Variants in PLEKHM3 observed in about 807,000 individuals in gnomAD.
PLEKHM3 encodes pleckstrin homology domain containing M3.
A neutral mutation model predicts 81.8 loss-of-function variants in PLEKHM3; 45 were observed. That is an observed-to-expected ratio of 0.55 (90% CI 0.43 to 0.71). The LOEUF is 0.71. Among genes scored for constraint, PLEKHM3 ranks in the 30% least tolerant of loss-of-function variants. The pLI is 0.00. For synonymous variants in PLEKHM3, 352 were observed against 356.4 expected, an observed-to-expected ratio of 0.99 and a Z score of 0.14; for missense variants, 788 against 924.3, an observed-to-expected ratio of 0.85 and a Z score of 1.91.
At chr2:207,974,357 G>T (rs745909433) in intron 3 of PLEKHM3, among the ~76,000 whole-genome samples, 7 of 152,314 alleles carry the variant, frequency 4.6e-5, no homozygotes, top group Admixed American at 2.6e-4. Context: ...TGTCAGGAAT[G>T]CTACGAATGC....
At chr2:207,835,441 C>T (rs935482331) in intron 7 of PLEKHM3, among the ~76,000 whole-genome samples, 1 of 152,102 alleles carries the variant, frequency 6.6e-6, no homozygotes, top group Non-Finnish European at 1.5e-5. Flanking sequence ...TTGGGTTAAT[C>T]TAAAGTTTCT....
At chr2:207,918,980 GA>G (rs1258437140) in intron 5 of PLEKHM3, among the ~76,000 whole-genome samples, 3 of 152,222 alleles carry the variant, frequency 2.0e-5, no homozygotes. Flanking sequence ...AGTAAGCAGA[GA>G]AAGAAGACAG....
In PLEKHM3 at chr2:207,823,855, C is replaced by A. The variant is rs1053094319; in HGVS notation, c.*4464G>T. ...ACTTGGATTTTCCCTCAGCCATGCA[C>A]CCATTAAAACGCACTAAGGAAAGAC... On this transcript the variant is annotated 3_prime_UTR_variant, in exon 8 of 8. Coordinates refer to ENST00000427836, the MANE Select transcript of PLEKHM3 (RefSeq NM_001080475.3). 9 of 152,176 alleles carry A rather than the reference C, an allele frequency of 5.9e-5. No individual in the cohort carries two copies. The highest frequency in any genetic ancestry group is 1.9e-4 in the African/African-American group (8 of 41,452). The allele number at this position is 152,176 out of a possible 1,614,324, so 9.4% of individuals were successfully genotyped here. A position where few individuals can be genotyped will look rare whatever the true frequency, so the allele number is the denominator to read the frequency against.
chr2:208,001,482 T>A lies in PLEKHM3; in HGVS notation c.158A>T (p.Asn53Ile), dbSNP rs1378860183. ...PELVGHEVLS[N>I]ITDNGAMRNV... Reference sequence around the variant, plus strand: ...TCTCATAGCACCATTGTCTGTTATGTTACTGAGTACCTCATGCCCCACCAG... The same window carrying A: ...TCTCATAGCACCATTGTCTGTTATGATACTGAGTACCTCATGCCCCACCAG... Residue 53 changes from asparagine (N) to isoleucine (I), a missense_variant, in exon 2 of 8, where the codon AAC becomes ATC. Asn to Ile is a moderately radical substitution (Grantham distance 149). Coordinates refer to ENST00000427836, the MANE Select transcript of PLEKHM3 (RefSeq NM_001080475.3). 1.2e-6 allele frequency: 2 copies of A among 1,614,052 alleles called. No homozygotes were observed. The highest frequency in any genetic ancestry group is 4.5e-5 in the East Asian group (2 of 44,896).
At chr2:207,919,281 T>G (rs1689103751) in intron 5 of PLEKHM3, among the ~76,000 whole-genome samples, 1 of 151,114 alleles carries the variant, frequency 6.6e-6, no homozygotes, top group African/African-American at 2.4e-5. Flanking sequence ...TGGAACAGAG[T>G]GAATGAGGGG....
Position 207,999,344 on chromosome 2 carries a change from G to A in PLEKHM3, c.610+1686C>T, listed in dbSNP as rs565294569. On this transcript the variant is annotated intron_variant, in intron 2 of 7. Coordinates refer to ENST00000427836, the MANE Select transcript of PLEKHM3 (RefSeq NM_001080475.3). ...AATATCCTTTTCTTAGCCAGGCATG[G>A]TGGCTCATGCCTGTAATCCCAGCTA... Among the ~76,000 whole-genome samples the A allele has an allele frequency of 1.0e-3, 154 of 152,076 alleles. 1 individual carries two copies. The highest frequency in any genetic ancestry group is 3.5e-3 in the African/African-American group (146 of 41,514).
chr2:207,969,503 T>C (rs12694096), intron 3 of PLEKHM3, among the ~76,000 whole-genome samples: 138,696 of 152,332 alleles, frequency 0.91, 63,616 homozygotes, highest in African/African-American at 0.98. Flanking sequence ...CAGAAATACG[T>C]CCTCATTTAT....
intron 2 of PLEKHM3, among the ~76,000 whole-genome samples, chr2:207,980,458 A>G (rs1260786817): frequency 6.6e-6 from 1 of 152,212 alleles, no homozygotes; most frequent in Non-Finnish European, 1.5e-5. Context: ...TCACTAAGCA[A>G]CATTTCCTAT....
At chr2:208,011,049 A>G (rs960780635) in intron 1 of PLEKHM3, among the ~76,000 whole-genome samples, 2 of 150,654 alleles carry the variant, frequency 1.3e-5, no homozygotes, top group Non-Finnish European at 2.9e-5. Flanking sequence ...TTACTCCTGC[A>G]AGAATGGCCA....
intron 3 of PLEKHM3, among the ~76,000 whole-genome samples, chr2:207,968,614 T>C (rs1188052533): frequency 1.3e-5 from 2 of 152,172 alleles, no homozygotes; most frequent in African/African-American, 4.8e-5. Flanking sequence ...CTCATTCTTA[T>C]TTGCATATCC....
chr2:207,983,312 A>G (rs764155359), intron 2 of PLEKHM3, among the ~76,000 whole-genome samples: 43 of 152,248 alleles, frequency 2.8e-4, no homozygotes, highest in Middle Eastern at 3.4e-3. Context: ...CGGCCTCCCA[A>G]AGTGCTGGGA....
At chr2:207,986,205 T>A (rs1691713982) in intron 2 of PLEKHM3, among the ~76,000 whole-genome samples, 1 of 152,184 alleles carries the variant, frequency 6.6e-6, no homozygotes, top group Non-Finnish European at 1.5e-5. Context: ...ATATTCCATA[T>A]CAAAATTATC....
intron 1 of PLEKHM3, among the ~76,000 whole-genome samples, chr2:208,022,155 A>G (rs1469563225): frequency 2.0e-5 from 3 of 152,202 alleles, no homozygotes; most frequent in African/African-American, 7.2e-5. Context: ...CATCCCTCCT[A>G]GCATTTGCAA....
At chr2:207,901,379 C>T (rs1170427645) in intron 6 of PLEKHM3, 1 of 702,190 alleles carries the variant, frequency 1.4e-6, no homozygotes, top group African/African-American at 1.7e-5. Flanking sequence ...CTGCTTTAAC[C>T]CACTCAGCTA....
chr2:208,006,786 T>C (rs957584187), intron 1 of PLEKHM3, among the ~76,000 whole-genome samples: 1 of 152,220 alleles, frequency 6.6e-6, no homozygotes, highest in Non-Finnish European at 1.5e-5. Flanking sequence ...TATATTTGTA[T>C]AGAATGCCCT....
intron 3 of PLEKHM3, among the ~76,000 whole-genome samples, chr2:207,961,464 C>T (rs942808265): frequency 6.6e-6 from 1 of 152,148 alleles, no homozygotes; most frequent in Non-Finnish European, 1.5e-5. Context: ...GATACAAACC[C>T]ATATGTCTTA....
At chr2:207,848,795 G>A (rs1437926465) in intron 7 of PLEKHM3, among the ~76,000 whole-genome samples, 2 of 152,214 alleles carry the variant, frequency 1.3e-5, no homozygotes, top group East Asian at 1.9e-4. Context: ...AACGTTGAGC[G>A]TGTTGGGAGG....
intron 3 of PLEKHM3, among the ~76,000 whole-genome samples, chr2:207,959,703 G>C (rs1690667027): frequency 6.6e-6 from 1 of 152,120 alleles, no homozygotes; most frequent in Non-Finnish European, 1.5e-5. Flanking sequence ...AACCCTGACA[G>C]CATTTCTTAG....
intron 5 of PLEKHM3, among the ~76,000 whole-genome samples, chr2:207,930,671 C>T (rs990377663): frequency 1.3e-5 from 2 of 152,162 alleles, no homozygotes; most frequent in African/African-American, 2.4e-5. Flanking sequence ...CCGTCCTGGG[C>T]ACTCGATCCA....
Sources: gnomAD v4.1 joint callset for allele counts (sites outside exome capture counted in the v4.1 genomes callset) on GRCh38, gnomAD v4.1.1 for gene constraint, MANE v1.5 for transcripts, NCBI Gene and HGNC (gene_info 2026-07-23, HGNC 2026-07-21) for gene names.